Variants in PELI2 observed in about 807,000 individuals in gnomAD.
PELI2 encodes E3 ubiquitin-protein ligase pellino homolog 2.
In PELI2, 23 loss-of-function variants were observed where a neutral mutation model predicts 42.3. The observed-to-expected ratio is 0.54, with a 90% confidence interval of 0.39 to 0.77. PELI2 has a LOEUF of 0.77. Among genes scored for constraint, PELI2 ranks in the 30% least tolerant of loss-of-function variants. The pLI is 0.00. For synonymous variants in PELI2, 245 were observed against 212.2 expected, an observed-to-expected ratio of 1.15 and a Z score of -1.34; for missense variants, 463 against 553.2, an observed-to-expected ratio of 0.84 and a Z score of 1.64.
rs527878621 is a variant in PELI2, at chr14:56,279,226, G to T, written c.208-450G>T. Reference sequence around the variant, plus strand: ...TGAAATCTTAATTAGAACATTGACAGATTTTCCAGTGATTCTTTTATGATG... The same window carrying T: ...TGAAATCTTAATTAGAACATTGACATATTTTCCAGTGATTCTTTTATGATG... On this transcript the variant is annotated intron_variant, in intron 2 of 5. Coordinates refer to ENST00000267460, the MANE Select transcript of PELI2 (RefSeq NM_021255.3). Among the ~76,000 whole-genome samples the T allele has an allele frequency of 3.0e-4, 46 of 152,250 alleles. No homozygotes were observed. In the South Asian group the frequency reaches 8.3e-3, roughly 27 times the overall value.
At chr14:56,181,866 GTGTGTGT>G (rs1458116417) in intron 2 of PELI2, among the ~76,000 whole-genome samples, 2 of 145,974 alleles carry the variant, frequency 1.4e-5, no homozygotes, top group African/African-American at 2.5e-5. Flanking sequence ...GTGTGTGTGT[GTGTGTGT>G]TTTTAAATTA....
chr14:56,183,537 G>T (rs1166414389), intron 2 of PELI2, among the ~76,000 whole-genome samples: 1 of 152,158 alleles, frequency 6.6e-6, no homozygotes, highest in Admixed American at 6.5e-5. Context: ...GTTTTTATGT[G>T]AATGTAGCAT....
chr14:56,267,396 C>T (rs941877582), intron 2 of PELI2, among the ~76,000 whole-genome samples: 2 of 152,010 alleles, frequency 1.3e-5, no homozygotes, highest in African/African-American at 4.8e-5. Context: ...TAATAAAGAG[C>T]CTTTTAAGAA....
chr14:56,261,140 T>C (rs1888702741), intron 2 of PELI2, among the ~76,000 whole-genome samples: 1 of 152,124 alleles, frequency 6.6e-6, no homozygotes, highest in Non-Finnish European at 1.5e-5. Flanking sequence ...CTGGATACTA[T>C]TGACAAGGGC....
intron 1 of PELI2, among the ~76,000 whole-genome samples, chr14:56,150,813 A>T (rs571165975): frequency 2.0e-5 from 3 of 152,282 alleles, no homozygotes; most frequent in African/African-American, 4.8e-5. Flanking sequence ...GCTGTGCTCC[A>T]TCCACTTGGG....
chr14:56,209,547 TTTC>T (rs1886641326), intron 2 of PELI2, among the ~76,000 whole-genome samples: 3 of 55,878 alleles, frequency 5.4e-5, no homozygotes, highest in Admixed American at 2.4e-4. Context: ...AAATATTTCG[TTTC>T]GTGGTAGTAT....
chr14:56,274,762 C>T (rs191174107), intron 2 of PELI2, among the ~76,000 whole-genome samples: 3 of 152,326 alleles, frequency 2.0e-5, no homozygotes, highest in Admixed American at 1.3e-4. Flanking sequence ...TAAGAAAATA[C>T]ATATCCTCAG....
In PELI2 at chr14:56,264,585, A is replaced by T. The variant is rs147510440; in HGVS notation, c.208-15091A>T. Among the ~76,000 whole-genome samples the T allele has an allele frequency of 9.8e-4, 150 of 152,318 alleles. 2 individuals are homozygous for T. Among genetic ancestry groups the T allele is most frequent in the African/African-American group, 3.4e-3 (140 of 41,572 alleles). On this transcript the variant is annotated intron_variant, in intron 2 of 5. Transcript: ENST00000267460. Reference sequence around the variant, plus strand: ...AATTCATGAGATGAGAGCCAATTTAAAAAAGCATAGTGGACACCATTGTTC... The same window carrying T: ...AATTCATGAGATGAGAGCCAATTTATAAAAGCATAGTGGACACCATTGTTC...
At chr14:56,295,245 C>T (rs1056807673) in intron 5 of PELI2, among the ~76,000 whole-genome samples, 7 of 152,100 alleles carry the variant, frequency 4.6e-5, no homozygotes, top group Admixed American at 1.3e-4. Flanking sequence ...TAGAAGTGAC[C>T]TTTTTGAAAG....
At chr14:56,148,012 TG>T (rs1884195402) in intron 1 of PELI2, among the ~76,000 whole-genome samples, 1 of 152,200 alleles carries the variant, frequency 6.6e-6, no homozygotes, top group Admixed American at 6.5e-5. Flanking sequence ...TGAATACTTT[TG>T]GGTCATAATG....
At chr14:56,237,363 C>T (rs1246313358) in intron 2 of PELI2, among the ~76,000 whole-genome samples, 2 of 152,162 alleles carry the variant, frequency 1.3e-5, no homozygotes, top group Non-Finnish European at 2.9e-5. Flanking sequence ...GGCAGAAACG[C>T]ATCCACACCT....
intron 1 of PELI2, among the ~76,000 whole-genome samples, chr14:56,160,610 A>G (rs1884725878): frequency 6.6e-6 from 1 of 152,224 alleles, no homozygotes; most frequent in African/African-American, 2.4e-5. Context: ...GTTAACTGCC[A>G]CATCTCAATT....
intron 2 of PELI2, among the ~76,000 whole-genome samples, chr14:56,237,369 C>G (rs12434925): frequency 0.4 from 61,348 of 152,030 alleles, 13,096 homozygotes; most frequent in South Asian, 0.53. Flanking sequence ...AACGCATCCA[C>G]ACCTTGCTTA....
chr14:56,283,381 A>G (rs1392298329), intron 3 of PELI2, among the ~76,000 whole-genome samples: 3 of 152,240 alleles, frequency 2.0e-5, no homozygotes, highest in African/African-American at 7.2e-5. Context: ...CTGCTAATAC[A>G]GTTTGGTGCC....
At chr14:56,131,597 A>G (rs1176191961) in intron 1 of PELI2, among the ~76,000 whole-genome samples, 1 of 152,248 alleles carries the variant, frequency 6.6e-6, no homozygotes, top group African/African-American at 2.4e-5. Context: ...TACATGTACC[A>G]GAAATGCCCT....
intron 2 of PELI2, among the ~76,000 whole-genome samples, chr14:56,245,930 G>A (rs1220613744): frequency 6.6e-6 from 1 of 152,194 alleles, no homozygotes; most frequent in Admixed American, 6.5e-5. Flanking sequence ...ATTTATGTAA[G>A]AGACTTGAGC....
chr14:56,211,621 G>A (rs1264028604), intron 2 of PELI2, among the ~76,000 whole-genome samples: 4 of 152,268 alleles, frequency 2.6e-5, no homozygotes, highest in African/African-American at 9.6e-5. Flanking sequence ...TTTTTGGGGT[G>A]GATAGATGGG....
chr14:56,118,752 C>T lies in PELI2; in HGVS notation c.77+15C>T, dbSNP rs763945979. The T allele has an allele frequency of 6.8e-5, 101 of 1,475,462 alleles. No homozygotes were observed. Among genetic ancestry groups the T allele is most frequent in the Middle Eastern group, 6.6e-4 (3 of 4,544 alleles). The allele number at this position is 1,475,462 out of a possible 1,614,324, so 91.4% of individuals were successfully genotyped here. On this transcript the variant is annotated intron_variant, in intron 1 of 5. Coordinates refer to ENST00000267460, the MANE Select transcript of PELI2 (RefSeq NM_021255.3). Reference sequence around the variant, plus strand: ...GTGGTGCTCGGGTGAGTCCTGGGGTCCCTGGTCCCGGGCAGCGGCGCGGGC... The same window carrying T: ...GTGGTGCTCGGGTGAGTCCTGGGGTTCCTGGTCCCGGGCAGCGGCGCGGGC...
chr14:56,169,092 G>A (rs1014279009), intron 1 of PELI2, among the ~76,000 whole-genome samples: 1 of 152,180 alleles, frequency 6.6e-6, no homozygotes, highest in Non-Finnish European at 1.5e-5. Flanking sequence ...CCTCTCTTCA[G>A]TTGGACAGAA....
Sources: gnomAD v4.1 joint callset for allele counts (sites outside exome capture counted in the v4.1 genomes callset) on GRCh38, gnomAD v4.1.1 for gene constraint, MANE v1.5 for transcripts, NCBI Gene and HGNC (gene_info 2026-07-23, HGNC 2026-07-21) for gene names.